Variants in DMD observed in about 807,000 individuals in gnomAD.
DMD encodes mutant dystrophin.
In DMD, 63 loss-of-function variants were observed where a neutral mutation model predicts 330.1. The observed-to-expected ratio is 0.19, with a 90% CI of 0.16 to 0.24. The LOEUF (loss-of-function observed/expected upper bound fraction) is 0.24. Among genes scored for constraint, DMD ranks in the 10% least tolerant of loss-of-function variants. DMD has a pLI of 1.00. For missense variants in DMD, 3,344 were observed against 2,684.1 expected, an observed-to-expected ratio of 1.25 and a Z score of -5.43; for synonymous variants, 1,223 against 959.8, an observed-to-expected ratio of 1.27 and a Z score of -5.07.
intron 50 of DMD, among the ~76,000 whole-genome samples, chrX:31,794,157 T>C (rs1302607656): frequency 8.9e-6 from 1 of 111,947 alleles, no homozygotes; most frequent in Non-Finnish European, 1.9e-5. Flanking sequence ...AAGATTATAG[T>C]ATACGTCTAA....
chrX:31,884,822 T>C (rs1463521552), intron 47 of DMD, among the ~76,000 whole-genome samples: 1 of 111,797 alleles, frequency 8.9e-6, no homozygotes, highest in Non-Finnish European at 1.9e-5. Context: ...CACATAGATT[T>C]TCATATTTGT....
chrX:32,922,258 A>G (rs1384264268), intron 2 of DMD, among the ~76,000 whole-genome samples: 1 of 109,916 alleles, frequency 9.1e-6, no homozygotes, highest in Non-Finnish European at 1.9e-5. Flanking sequence ...CCTTCAATGT[A>G]TACTCTCTAA....
Position 33,328,838 on chromosome X carries a change from AC to A in DMD, c.7+10420del, listed in dbSNP as rs1456274198. ...CTCATCTTTCAAACTAAGATATGGG[AC>A]TAAATATTCTTTAATGGTCTCCGGG... On this transcript the variant is annotated intron_variant, in intron 1 of 17. Transcript: ENST00000288447. Among the ~76,000 whole-genome samples the A allele has an allele frequency of 7.2e-5, 8 of 111,744 alleles. No individual in the cohort carries two copies. In the East Asian group the frequency reaches 2.0e-3, roughly 28 times the overall value.
rs182272164 is a variant in DMD at position 32,081,592 on chromosome X, C to T, written c.6439-113078G>A. On this transcript the variant is annotated intron_variant, in intron 44 of 78. Transcript: ENST00000357033. Reference sequence around the variant, plus strand: ...GAGTCTGGCCGGGCGTAGTGGCTCACGCCTGTAATCCCAGCACTTTGGGAG... The same window carrying T: ...GAGTCTGGCCGGGCGTAGTGGCTCATGCCTGTAATCCCAGCACTTTGGGAG... Among the ~76,000 whole-genome samples, 29 of 111,713 alleles carry T rather than the reference C, an allele frequency of 2.6e-4. 2 individuals carry two copies. The East Asian group carries it at 3.4e-3, about 13-fold the overall frequency.
intron 1 of DMD, among the ~76,000 whole-genome samples, chrX:33,083,548 T>C (rs1479031267): frequency 9.0e-6 from 1 of 111,313 alleles, no homozygotes; most frequent in Non-Finnish European, 1.9e-5. Flanking sequence ...GCTCACTGAA[T>C]GTGACCAGAC....
chrX:32,656,446 A>T (rs750071399), intron 9 of DMD, among the ~76,000 whole-genome samples: 19 of 112,173 alleles, frequency 1.7e-4, no homozygotes. Context: ...CTCATTTTTT[A>T]GTTCATCCAT....
At chrX:32,418,145 G>C (rs1350835760) in intron 29 of DMD, among the ~76,000 whole-genome samples, 1 of 111,171 alleles carries the variant, frequency 9.0e-6, no homozygotes, top group African/African-American at 3.3e-5. Flanking sequence ...TCAGAGGCCA[G>C]AAAGCAAAGG....
At chrX:33,283,592 C>T (rs940446068) in intron 1 of DMD, among the ~76,000 whole-genome samples, 1 of 110,051 alleles carries the variant, frequency 9.1e-6, no homozygotes, top group African/African-American at 3.3e-5. Context: ...TAGGTATGTT[C>T]GTTTTCATTG....
chrX:32,619,052 C>A (rs1478520158), intron 11 of DMD, among the ~76,000 whole-genome samples: 2 of 111,513 alleles, frequency 1.8e-5, no homozygotes, highest in Non-Finnish European at 3.8e-5. Context: ...GATATGGAAT[C>A]AATCCAAATA....
intron 7 of DMD, among the ~76,000 whole-genome samples, chrX:32,786,221 G>A (rs1488797303): frequency 9.1e-6 from 1 of 109,500 alleles, no homozygotes; most frequent in Non-Finnish European, 1.9e-5. Flanking sequence ...TAAAGCCTAG[G>A]TAAAATGTAT....
At chrX:31,696,327 C>T (rs1292126662) in intron 52 of DMD, among the ~76,000 whole-genome samples, 1 of 111,697 alleles carries the variant, frequency 9.0e-6, no homozygotes, top group African/African-American at 3.2e-5. Context: ...CAACTACATA[C>T]AATAATATGG....
chrX:32,365,882 G>A (rs772187363), intron 34 of DMD, among the ~76,000 whole-genome samples: 2 of 111,696 alleles, frequency 1.8e-5, no homozygotes, highest in South Asian at 7.5e-4. Flanking sequence ...TCTGGAACAC[G>A]TTATAAAAGT....
intron 60 of DMD, among the ~76,000 whole-genome samples, chrX:31,433,233 C>G (rs1301619382): frequency 8.9e-6 from 1 of 111,919 alleles, no homozygotes; most frequent in Non-Finnish European, 1.9e-5. Context: ...TGATTTCCTT[C>G]TTTTTCATAG....
chrX:32,417,160 GTC>G (rs1006858885), intron 29 of DMD, among the ~76,000 whole-genome samples: 8 of 111,543 alleles, frequency 7.2e-5, no homozygotes, highest in Admixed American at 3.8e-4. Flanking sequence ...CAAGTAATAA[GTC>G]TCTCTCATTC....
chrX:32,406,048 CTGTT>C (rs1356376561), intron 30 of DMD, among the ~76,000 whole-genome samples: 12 of 111,388 alleles, frequency 1.1e-4, no homozygotes, highest in Non-Finnish European at 7.5e-5. Flanking sequence ...ATTTGGCTCT[CTGTT>C]TGTCTGTTAT....
At chrX:31,170,626 T>C (rs1486777028) in intron 73 of DMD, among the ~76,000 whole-genome samples, 1 of 111,844 alleles carries the variant, frequency 8.9e-6, no homozygotes, top group Non-Finnish European at 1.9e-5. Flanking sequence ...ATTTGAATTA[T>C]TTTTGTTTAT....
chrX:33,222,204 T>G (rs1434091224), intron 1 of DMD, among the ~76,000 whole-genome samples: 1 of 112,110 alleles, frequency 8.9e-6, no homozygotes, highest in African/African-American at 3.2e-5. Flanking sequence ...AATGGATCAC[T>G]TGGGGTTTAT....
In DMD at chrX:32,343,173, T is replaced by C. The variant is rs374387166; in HGVS notation, c.5700A>G (p.Leu1900=). ...LKCLDDIEKK[L]ASLPEPRDER... is the part of the protein sequence containing the mutation. The stretch of plus-strand genomic sequence containing the variant: ...CATCTCTGGGCTCAGGTAGGCTGGC[T>C]AATTTTTTTTCAATGTCATCCAAGC... Residue 1900 remains leucine, a synonymous_variant, in exon 40 of 79, where the codon TTA becomes TTG. Transcript: ENST00000357033. 9.1e-6 allele frequency: 11 copies of C among 1,209,170 alleles called. No individual in the cohort carries two copies. In the African/African-American group the frequency reaches 1.9e-4, roughly 21 times the overall value.
intron 60 of DMD, among the ~76,000 whole-genome samples, chrX:31,385,919 A>G (rs1366531119): frequency 8.9e-6 from 1 of 112,275 alleles, no homozygotes; most frequent in Non-Finnish European, 1.9e-5. Flanking sequence ...ATGAAGACAC[A>G]TGCACACGTA....
Sources: allele counts gnomAD v4.1 joint callset (sites outside exome capture counted in the v4.1 genomes callset), GRCh38; gene constraint gnomAD v4.1.1; transcripts MANE v1.5; gene names NCBI Gene and HGNC (gene_info 2026-07-23, HGNC 2026-07-21).